FRMPD4: variants seen among roughly 807,000 people sequenced by gnomAD.
FRMPD4 encodes the protein FERM and PDZ domain containing 4.
In FRMPD4, 22 loss-of-function variants were observed where a neutral mutation model predicts 94.1. That is an observed-to-expected ratio of 0.23 (90% CI 0.17 to 0.33). The LOEUF (loss-of-function observed/expected upper bound fraction) is 0.33. Among genes scored for constraint, FRMPD4 ranks in the 10% least tolerant of loss-of-function variants. The pLI is 1.00. For missense variants in FRMPD4, 1,111 were observed against 1,339.9 expected (o/e 0.83, Z 2.67); for synonymous variants, 631 against 548.6 (o/e 1.15, Z -2.10).
intron 1 of FRMPD4, among the ~76,000 whole-genome samples, chrX:11,852,457 A>G (rs1012213683): frequency 7.4e-5 from 8 of 108,420 alleles, no homozygotes; most frequent in East Asian, 2.9e-4. Flanking sequence ...AAAAAAAAAA[A>G]AAAAGAAAAA....
chrX:11,960,196 T>A (rs2054277128), intron 3 of FRMPD4, among the ~76,000 whole-genome samples: 2 of 112,265 alleles, frequency 1.8e-5, no homozygotes, highest in Admixed American at 1.9e-4. Flanking sequence ...GGTTAGGATT[T>A]CCTATGCTTC....
chrX:12,600,551 A>C (rs60708442), intron 2 of FRMPD4, among the ~76,000 whole-genome samples: 3,889 of 112,454 alleles, frequency 0.035, 158 homozygotes, highest in African/African-American at 0.12. Flanking sequence ...TGACAAACTA[A>C]GTTGCTTTCT....
chrX:12,523,179 T>A (rs995415464), intron 2 of FRMPD4, among the ~76,000 whole-genome samples: 2 of 112,479 alleles, frequency 1.8e-5, no homozygotes, highest in Admixed American at 9.4e-5. Flanking sequence ...AGCCCCTTCA[T>A]AAGATATCCT....
At chrX:11,994,619 T>C (rs963864292) in intron 3 of FRMPD4, among the ~76,000 whole-genome samples, 2 of 111,839 alleles carry the variant, frequency 1.8e-5, no homozygotes, top group Admixed American at 1.9e-4. Flanking sequence ...CAATTTCTTA[T>C]ATCATTTCCT....
chrX:12,579,476 C>T (rs1349477153), intron 2 of FRMPD4, among the ~76,000 whole-genome samples: 1 of 111,934 alleles, frequency 8.9e-6, no homozygotes, highest in Non-Finnish European at 1.9e-5. Flanking sequence ...CCGGGACAAT[C>T]GGTTTCTGAC....
intron 7 of FRMPD4, among the ~76,000 whole-genome samples, chrX:12,689,776 G>A (rs766419646): frequency 1.8e-5 from 2 of 112,739 alleles, no homozygotes; most frequent in Non-Finnish European, 3.7e-5. Flanking sequence ...AGCTAGTTTT[G>A]GCATGCAGGC....
intron 1 of FRMPD4, among the ~76,000 whole-genome samples, chrX:12,488,294 G>T (rs2057758667): frequency 8.9e-6 from 1 of 111,812 alleles, no homozygotes; most frequent in Admixed American, 9.5e-5. Context: ...CTAAAACAAT[G>T]GTGGACATTA....
At chrX:12,234,780 T>A (rs770423810) in intron 1 of FRMPD4, among the ~76,000 whole-genome samples, 2 of 112,354 alleles carry the variant, frequency 1.8e-5, no homozygotes, top group South Asian at 3.7e-4. Context: ...ATGTTATGAA[T>A]TGCAAAATTG....
intron 1 of FRMPD4, among the ~76,000 whole-genome samples, chrX:12,198,632 A>T (rs1014941792): frequency 9.0e-6 from 1 of 111,477 alleles, no homozygotes; most frequent in Non-Finnish European, 1.9e-5. Context: ...TTCATCCCCC[A>T]TTGAGGTAGT....
chrX:12,594,605 T>G (rs767683342), intron 2 of FRMPD4, among the ~76,000 whole-genome samples: 1 of 109,844 alleles, frequency 9.1e-6, no homozygotes, highest in South Asian at 4.0e-4. Flanking sequence ...CTGGCTAATT[T>G]TTTGTATTCT....
At chrX:12,699,933 C>T (rs1028387438) in intron 9 of FRMPD4, among the ~76,000 whole-genome samples, 1 of 112,328 alleles carries the variant, frequency 8.9e-6, no homozygotes, top group Non-Finnish European at 1.9e-5. Flanking sequence ...TCTTCTTGGC[C>T]TCTCTGAGCA....
At chrX:12,317,585 C>CAAAAAAAAAAAAAAAAAAA (rs376884335) in intron 1 of FRMPD4, among the ~76,000 whole-genome samples, 6 of 42,411 alleles carry the variant, frequency 1.4e-4, no homozygotes, top group African/African-American at 5.0e-4. Context: ...AACTAAATAG[C>CAAAAAAAAAAAAAAAAAAA]AAAAAAAAAA....
intron 1 of FRMPD4, among the ~76,000 whole-genome samples, chrX:12,237,115 A>C (rs1208054271): frequency 8.9e-6 from 1 of 112,568 alleles, no homozygotes; most frequent in Non-Finnish European, 1.9e-5. Flanking sequence ...ATTAATATAT[A>C]TTAGGACATT....
chrX:12,639,621 A>G (rs2059475436), intron 4 of FRMPD4, among the ~76,000 whole-genome samples: 1 of 112,580 alleles, frequency 8.9e-6, no homozygotes, highest in African/African-American at 3.2e-5. Context: ...GTACCTATTT[A>G]TAAGGTAGTC....
intron 1 of FRMPD4, among the ~76,000 whole-genome samples, chrX:12,286,806 T>C (rs1182514064): frequency 3.9e-5 from 4 of 103,252 alleles, no homozygotes; most frequent in Non-Finnish European, 7.8e-5. Flanking sequence ...CTCTAAAGAA[T>C]GAAAAAAAAA....
chrX:12,633,977 G>T (rs773567189), intron 4 of FRMPD4, among the ~76,000 whole-genome samples: 12 of 112,162 alleles, frequency 1.1e-4, no homozygotes, highest in Non-Finnish European at 2.1e-4. Flanking sequence ...AGACAGAAAG[G>T]TACAAAAAAT....
At chrX:12,281,358 T>C (rs147669134) in intron 1 of FRMPD4, among the ~76,000 whole-genome samples, 2,533 of 107,912 alleles carry the variant, frequency 0.023, 70 homozygotes, top group African/African-American at 0.08. Flanking sequence ...TAAGTCTTCA[T>C]TTTTTAAAAA....
At position 12,487,918 on chromosome X, in the gene FRMPD4, A is replaced by G. The variant is rs184854884; in HGVS notation, c.42-10762A>G. ...AATTTTAAAAGAAAAGCCACCAGAA[A>G]TCTTCCTAGAATTAGATAAAAATAA... is the stretch of plus-strand genomic sequence containing the variant. On this transcript the variant is annotated intron_variant, in intron 1 of 16. Transcript: ENST00000675598. 2.7e-5 allele frequency among the ~76,000 whole-genome samples: 3 copies of G among 112,224 alleles called. No individual in the cohort carries two copies. The East Asian group carries it at 8.4e-4, about 31-fold the overall frequency.
chrX:12,318,239 G>C (rs1184959547), intron 1 of FRMPD4, among the ~76,000 whole-genome samples: 1 of 112,651 alleles, frequency 8.9e-6, no homozygotes, highest in Non-Finnish European at 1.9e-5. Flanking sequence ...TCATATGTGG[G>C]AGCTGACCAG....
Sources: gnomAD v4.1 joint callset for allele counts (sites outside exome capture counted in the v4.1 genomes callset) on GRCh38, gnomAD v4.1.1 for gene constraint, MANE v1.5 for transcripts, NCBI Gene and HGNC (gene_info 2026-07-23, HGNC 2026-07-21) for gene names.